Variants in CLUH observed in about 807,000 individuals in gnomAD.
The protein encoded by CLUH is CLUH binding protein of NUMT mRNA.
Under a neutral mutation model 139.3 loss-of-function variants are expected in CLUH, and 77 were observed. The observed-to-expected ratio is 0.55, with a 90% CI of 0.46 to 0.67. The LOEUF is 0.67. Among genes scored for constraint, CLUH ranks in the 30% least tolerant of loss-of-function variants. CLUH has a pLI of 0.00. For synonymous variants in CLUH, 999 were observed against 801.6 expected (o/e 1.25, Z -4.16); for missense variants, 1,876 against 1,875.8 (o/e 1.00, Z 0.00).
intron 5 of CLUH, 25 bp downstream of exon 5, chr17:2,701,588 C>A (rs2070182222): frequency 6.2e-7 from 1 of 1,610,838 alleles, no homozygotes; most frequent in Non-Finnish European, 8.5e-7. Context: ...CAGGGACCCT[C>A]TTCCTCCCTC....
In CLUH at chr17:2,692,235, A is replaced by G. The variant is rs1190743617; in HGVS notation, c.3560+126T>C. On this transcript the variant is annotated intron_variant, in intron 22 of 25. Coordinates refer to ENST00000651024, the MANE Select transcript of CLUH (RefSeq NM_001366661.1). Reference sequence around the variant, plus strand: ...GAACAGCAAGTCCAGGGCTCAGGGAAGAGGGGGAGGTCGAGAGAAATTTTC... The same window carrying G: ...GAACAGCAAGTCCAGGGCTCAGGGAGGAGGGGGAGGTCGAGAGAAATTTTC... The G allele has an allele frequency of 3.5e-6, 5 of 1,430,074 alleles. No homozygotes were observed. The South Asian group carries it at 3.9e-5, about 11-fold the overall frequency. 88.6% of individuals were successfully genotyped at this position (1,430,074 alleles called of 1,614,324 possible).
Position 2,711,598 on chromosome 17 carries a change from A to C in CLUH, c.64T>G (p.Ser22Ala), listed in dbSNP as rs1294284386. 2.0e-6 allele frequency: 2 copies of C among 981,150 alleles called. No individual in the cohort carries two copies. The highest frequency in any genetic ancestry group is 2.4e-6 in the Non-Finnish European group (2 of 828,664). 60.8% of individuals were successfully genotyped at this position (981,150 alleles called of 1,614,324 possible). The change falls in exon 1 of 26, where the codon TCG (serine) becomes GCG (alanine). Residue 22 changes from serine (S) to alanine (A), a missense_variant. Ser to Ala is a moderately conservative substitution (Grantham distance 99). Around this residue, in one of 3 missense-constraint regions of CLUH, gnomAD observed 152 missense variants for 136.7 expected, o/e 1.11. Coordinates refer to ENST00000651024, the MANE Select transcript of CLUH (RefSeq NM_001366661.1). Reference protein sequence around the residue: ...APADSAREHGSQAGGKGRPGA... With the variant: ...APADSAREHGAQAGGKGRPGA... The stretch of plus-strand genomic sequence containing the variant: ...GGCCGCCCCTTGCCCCCGGCCTGCG[A>C]GCCGTGTTCCCGGGCGCTGTCGGCC...
Position 2,703,536 on chromosome 17 carries a change from G to A in CLUH, c.304-47C>T. On this transcript the variant is annotated intron_variant, in intron 2 of 25. Transcript: ENST00000651024. This position sits in a 1 kb window ranked among gnomAD's most constrained non-coding sequence, Gnocchi z 4.2. ...CACCCCGGTGAGAGAGCACGTAGCGGGGAGAGAAGGCCCCAACCGCCCCGG... is the reference window on the plus strand; with the variant it reads ...CACCCCGGTGAGAGAGCACGTAGCGAGGAGAGAAGGCCCCAACCGCCCCGG... 1 of 1,588,744 alleles carries A rather than the reference G, an allele frequency of 6.3e-7. No homozygotes were observed. The highest frequency in any genetic ancestry group is 8.6e-7 in the Non-Finnish European group (1 of 1,164,530).
chr17:2,695,441 C>T lies in CLUH; in HGVS notation c.2477G>A (p.Arg826His), dbSNP rs1268969803. The T allele has an allele frequency of 1.9e-6, 3 of 1,612,180 alleles. No individual in the cohort carries two copies. Among genetic ancestry groups the T allele is most frequent in the Non-Finnish European group, 2.5e-6 (3 of 1,179,766 alleles). Residue 826 changes from arginine to histidine, a missense_variant, in exon 14 of 26, where the codon CGC (arginine) becomes CAC (histidine). Physicochemically the swap from Arg to His is conservative, Grantham distance 29 (BLOSUM62 0). Coordinates refer to ENST00000651024, the MANE Select transcript of CLUH (RefSeq NM_001366661.1). ...EVMRQRGINM[R>H]YLGKVLELVL... The stretch of plus-strand genomic sequence containing the variant: ...CAGCTCCAGCACCTTGCCCAGGTAG[C>T]GCATGTTGATGCCCCGCTGGCGCAT...
chr17:2,691,786 G>A lies in CLUH; in HGVS notation c.3764C>T (p.Ser1255Phe). Residue 1255 changes from serine (S) to phenylalanine (F), a missense_variant, in exon 24 of 26, where the codon TCC (serine) becomes TTC (phenylalanine). By Grantham distance (155) the Ser-to-Phe change is radical. Coordinates refer to ENST00000651024, the MANE Select transcript of CLUH (RefSeq NM_001366661.1). ...RTMNEIYRNGSSANIPPLKFT... is the reference protein window; with the variant it reads ...RTMNEIYRNGFSANIPPLKFT... ...CTTGAGGGGCGGGATGTTGGCGCTG[G>A]AGCCGTTGCGGTAGATCTCGTTCAT... 1 of 1,591,488 alleles carries A rather than the reference G, an allele frequency of 6.3e-7. No homozygotes were observed. The highest frequency in any genetic ancestry group is 8.5e-7 in the Non-Finnish European group (1 of 1,169,662).
At chr17:2,696,086 TC>T (rs1251836596) in intron 13 of CLUH, 72 bp downstream of exon 13, 17 of 1,264,966 alleles carry the variant, frequency 1.3e-5, no homozygotes, top group Non-Finnish European at 1.8e-5. Flanking sequence ...TTCATGGGCC[TC>T]CAAGTCGGAG....
At position 2,690,557 on chromosome 17, in the gene CLUH, A is replaced by G. The variant is rs765887346; in HGVS notation, c.*37T>C. 2 of 1,414,426 alleles carry G rather than the reference A, an allele frequency of 1.4e-6. No individual in the cohort carries two copies. The highest frequency in any genetic ancestry group is 1.6e-5 in the South Asian group (1 of 61,608). The allele number at this position is 1,414,426 out of a possible 1,614,324, so 87.6% of individuals were successfully genotyped here. On this transcript the variant is annotated 3_prime_UTR_variant, in exon 26 of 26. Transcript: ENST00000651024. ...TCTCCCGCAGTCGGGCTCCCTGGTG[A>G]CGGGGCCGCTGGCTGGCTGTCCGTC...
At position 2,703,517 on chromosome 17, in the gene CLUH, G is replaced by A. The variant is rs369451570; in HGVS notation, c.304-28C>T. The A allele has an allele frequency of 7.3e-5, 118 of 1,605,846 alleles. No homozygotes were observed. In the African/African-American group the frequency reaches 9.2e-4, roughly 13 times the overall value. On this transcript the variant is annotated intron_variant, in intron 2 of 25. Coordinates refer to ENST00000651024, the MANE Select transcript of CLUH (RefSeq NM_001366661.1). This position sits in a 1 kb window ranked among gnomAD's most constrained non-coding sequence, Gnocchi z 4.2. Reference sequence around the variant, plus strand: ...GCAGGGAGAAGGCCCCGCCCACCCCGGTGAGAGAGCACGTAGCGGGGAGAG... The same window carrying A: ...GCAGGGAGAAGGCCCCGCCCACCCCAGTGAGAGAGCACGTAGCGGGGAGAG...
chr17:2,691,090 T>TGCTTGTGGCCACCCC (rs1315080934), intron 25 of CLUH, among the ~76,000 whole-genome samples: 1 of 148,884 alleles, frequency 6.7e-6, no homozygotes, highest in Non-Finnish European at 1.5e-5. Flanking sequence ...GAGGCCACAC[T>TGCTTGTGGCCACCCC]GCTTGTGGCC....
In CLUH at chr17:2,695,358, C is replaced by T. The variant is rs559989221; in HGVS notation, c.2544+16G>A. On this transcript the variant is annotated intron_variant, in intron 14 of 25. Coordinates refer to ENST00000651024, the MANE Select transcript of CLUH (RefSeq NM_001366661.1). ...TCCCACAGCTCCCGTTCCGCCCCAC[C>T]CCGGGCAGCACTCACAAAGACGTGG... The T allele has an allele frequency of 3.7e-6, 6 of 1,613,096 alleles. No homozygotes were observed. In the African/African-American group the frequency reaches 8.0e-5, roughly 21 times the overall value.
chr17:2,701,215 C>T lies in CLUH; in HGVS notation c.950G>A (p.Ser317Asn), dbSNP rs2070166897. ...NPKPASPRFL[S>N]HSLVELLNQI... Reference sequence around the variant, plus strand: ...GTTGAGCAGCTCCACTAGGGAATGGCTTAGGAAGCGGGGGCTGGCGGGCTT... The same window carrying T: ...GTTGAGCAGCTCCACTAGGGAATGGTTTAGGAAGCGGGGGCTGGCGGGCTT... The change falls in exon 7 of 26, where the codon AGC becomes AAC. Residue 317 changes from serine (S) to asparagine (N), a missense_variant. Physicochemically the swap from Ser to Asn is conservative, Grantham distance 46 (BLOSUM62 1). Around this residue, in one of 3 missense-constraint regions of CLUH, gnomAD observed 270 missense variants for 354.7 expected, o/e 0.76. Transcript: ENST00000651024. 1 of 1,613,898 alleles carries T rather than the reference C, an allele frequency of 6.2e-7. No homozygotes were observed. The highest frequency in any genetic ancestry group is 8.5e-7 in the Non-Finnish European group (1 of 1,179,856).
intron 13 of CLUH, 179 bp downstream of exon 13, chr17:2,695,980 G>C (rs973517331): frequency 5.4e-5 from 33 of 613,334 alleles, no homozygotes; most frequent in Non-Finnish European, 9.2e-5. Context: ...GCTCAGCAGG[G>C]CCTGTGCCCT....
At chr17:2,691,397 A>G (rs1418062908) in intron 25 of CLUH, among the ~76,000 whole-genome samples, 1 of 152,076 alleles carries the variant, frequency 6.6e-6, no homozygotes, top group Non-Finnish European at 1.5e-5. Flanking sequence ...CCCCATCTCT[A>G]CTACAAACAC....
chr17:2,694,089 C>A (rs776055970), intron 18 of CLUH, 34 bp downstream of exon 18: 6 of 1,613,746 alleles, frequency 3.7e-6, no homozygotes, highest in Admixed American at 3.3e-5. Context: ...CATGGGGAAC[C>A]CCCACCTCCA....
At chr17:2,711,092 G>C (rs958524334) in intron 1 of CLUH, 2 of 152,280 alleles carry the variant, frequency 1.3e-5, no homozygotes, top group Non-Finnish European at 2.9e-5. Context: ...GAAGCCTCGA[G>C]CGGAGCTTCA....
At chr17:2,693,064 T>G (rs558621210) in intron 19 of CLUH, 6 of 323,550 alleles carry the variant, frequency 1.9e-5, no homozygotes, top group South Asian at 7.1e-5. Flanking sequence ...CACAGAGAGC[T>G]CCACACACCC....
At chr17:2,709,450 C>T (rs948348130) in intron 1 of CLUH, among the ~76,000 whole-genome samples, 4 of 152,118 alleles carry the variant, frequency 2.6e-5, no homozygotes, top group Admixed American at 1.3e-4. Flanking sequence ...GCTCTCCCCA[C>T]ATCCCATCCA....
At chr17:2,711,057 T>A (rs2070502730) in intron 1 of CLUH, 1 of 152,362 alleles carries the variant, frequency 6.6e-6, no homozygotes, top group Non-Finnish European at 1.5e-5. Context: ...CCGCACCTCG[T>A]GCTCTTCCCA....
intron 6 of CLUH, 30 bp downstream of exon 6, chr17:2,701,336 G>C (rs1391007065): frequency 3.7e-6 from 6 of 1,605,250 alleles, no homozygotes; most frequent in African/African-American, 1.3e-5. Context: ...TGGCACGGCA[G>C]GGGGGTGTGG....
Sources: allele counts gnomAD v4.1 joint callset (sites outside exome capture counted in the v4.1 genomes callset), GRCh38; gene constraint gnomAD v4.1.1; regional missense constraint gnomAD v4.1.1; non-coding constraint Gnocchi (gnomAD v3.1); transcripts MANE v1.5; gene names NCBI Gene and HGNC (gene_info 2026-07-23, HGNC 2026-07-21).